Variants in GALNT13 observed in about 807,000 individuals in gnomAD.
The protein encoded by GALNT13 is UDP-GalNAc:polypeptide N-acetylgalactosaminyltransferase 13.
In GALNT13, 28 loss-of-function variants were observed where a neutral mutation model predicts 64.2. The ratio of observed to expected loss-of-function variants is 0.44; its 90% CI spans 0.32 to 0.60. The LOEUF (loss-of-function observed/expected upper bound fraction) is 0.60. Ranked by LOEUF, GALNT13 falls within the 20% of genes least tolerant of loss-of-function variation. The probability of loss-of-function intolerance (pLI) is 0.05; values close to 1 mark genes in which losing one functional copy is unlikely to be tolerated. For missense variants in GALNT13, 577 were observed against 669.8 expected (o/e 0.86, Z 1.53); for synonymous variants, 214 against 224.6 (o/e 0.95, Z 0.42).
chr2:154,242,014 CTT>C lies in GALNT13; in HGVS notation c.312-13_312-12del. ...AAATGCATTTATTAAGATCCCTCTTCTTTTCTCTTTTTCAGATGTAAGACAAA... is the reference window on the plus strand; with the variant it reads ...AAATGCATTTATTAAGATCCCTCTTCTTCTCTTTTTCAGATGTAAGACAAA... On this transcript the variant is annotated splice_polypyrimidine_tract_variant and intron_variant, in intron 4 of 12. Transcript: ENST00000392825. 1.3e-6 allele frequency: 2 copies of C among 1,533,370 alleles called. No individual in the cohort carries two copies. The highest frequency in any genetic ancestry group is 1.8e-6 in the Non-Finnish European group (2 of 1,130,146). 95.0% of individuals were successfully genotyped at this position (1,533,370 alleles called of 1,614,324 possible).
the GALNT13 span, among the ~76,000 whole-genome samples, chr2:153,259,511 T>G: frequency 6.6e-6 from 1 of 152,158 alleles, no homozygotes; most frequent in Non-Finnish European, 1.5e-5. Context: ...AAATAGTAGC[T>G]CCCATAATCC....
the GALNT13 span, among the ~76,000 whole-genome samples, chr2:153,147,119 C>G: frequency 6.6e-6 from 1 of 151,246 alleles, no homozygotes; most frequent in Admixed American, 6.6e-5. Context: ...CCAGCACGTG[C>G]AGCTAAATAG....
chr2:153,512,376 G>A, the GALNT13 span, among the ~76,000 whole-genome samples: 5 of 152,082 alleles, frequency 3.3e-5, no homozygotes, highest in Admixed American at 6.5e-5. Context: ...AACAATACCC[G>A]TGGAAGTAAA....
intron 3 of GALNT13, among the ~76,000 whole-genome samples, chr2:154,114,738 G>A (rs188368374): frequency 5.2e-4 from 79 of 152,268 alleles, no homozygotes; most frequent in African/African-American, 1.9e-3. Flanking sequence ...TTCTGCTTAT[G>A]TAAATTAAGG....
chr2:153,110,987 A>G, the GALNT13 span, among the ~76,000 whole-genome samples: 1 of 152,104 alleles, frequency 6.6e-6, no homozygotes, highest in African/African-American at 2.4e-5. Context: ...AATGCCCCCC[A>G]TAGAAGCTTA....
the GALNT13 span, among the ~76,000 whole-genome samples, chr2:153,165,870 A>G: frequency 1.3e-5 from 2 of 152,218 alleles, no homozygotes; most frequent in African/African-American, 4.8e-5. Context: ...CATTATTATC[A>G]TGACCAGTAC....
At chr2:153,889,914 A>G (rs909413208) in intron 1 of GALNT13, among the ~76,000 whole-genome samples, 5 of 151,934 alleles carry the variant, frequency 3.3e-5, no homozygotes, top group African/African-American at 9.6e-5. Flanking sequence ...GCTTTTTGCA[A>G]TTATAAAACC....
At chr2:153,812,718 T>C in the GALNT13 span, among the ~76,000 whole-genome samples, 1 of 152,182 alleles carries the variant, frequency 6.6e-6, no homozygotes, top group Non-Finnish European at 1.5e-5. Flanking sequence ...TTTGTTTATC[T>C]CAGGTGGAGG....
the GALNT13 span, among the ~76,000 whole-genome samples, chr2:153,758,117 T>G: frequency 6.6e-6 from 1 of 152,178 alleles, no homozygotes; most frequent in East Asian, 1.9e-4. Flanking sequence ...ACAGTTTCAC[T>G]TTTTACATCA....
chr2:153,417,525 T>C, the GALNT13 span, among the ~76,000 whole-genome samples: 4 of 152,160 alleles, frequency 2.6e-5, no homozygotes, highest in Non-Finnish European at 5.9e-5. Context: ...GCCTGGGGAA[T>C]GTGAGGAAAT....
At chr2:153,251,612 C>T in the GALNT13 span, among the ~76,000 whole-genome samples, 1 of 109,418 alleles carries the variant, frequency 9.1e-6, no homozygotes, top group South Asian at 3.9e-4. Context: ...CAATGCCATC[C>T]CTCCCCCCTC....
chr2:153,104,570 T>C, the GALNT13 span, among the ~76,000 whole-genome samples: 1 of 152,168 alleles, frequency 6.6e-6, no homozygotes, highest in Non-Finnish European at 1.5e-5. Flanking sequence ...TATTTTGGAG[T>C]TTGAGGCCCC....
At chr2:153,632,143 A>G in the GALNT13 span, among the ~76,000 whole-genome samples, 2 of 152,184 alleles carry the variant, frequency 1.3e-5, no homozygotes, top group African/African-American at 2.4e-5. Flanking sequence ...CCTGCTGTAA[A>G]AAGCTAAAGA....
chr2:154,050,429 T>C (rs897393622), intron 3 of GALNT13, among the ~76,000 whole-genome samples: 5 of 152,184 alleles, frequency 3.3e-5, no homozygotes, highest in Non-Finnish European at 4.4e-5. Flanking sequence ...CTTTTGTTGT[T>C]GAGAAAATGA....
At chr2:153,794,811 G>A in the GALNT13 span, among the ~76,000 whole-genome samples, 2 of 152,138 alleles carry the variant, frequency 1.3e-5, no homozygotes, top group Non-Finnish European at 2.9e-5. Context: ...GAGCCACCGT[G>A]CCCAGCCTGG....
At chr2:153,330,997 A>C in the GALNT13 span, among the ~76,000 whole-genome samples, 1 of 152,154 alleles carries the variant, frequency 6.6e-6, no homozygotes, top group Non-Finnish European at 1.5e-5. Context: ...GGAATATTCA[A>C]TTATATTGAA....
chr2:154,147,677 A>T (rs1035337715), intron 4 of GALNT13, among the ~76,000 whole-genome samples: 3 of 151,936 alleles, frequency 2.0e-5, no homozygotes, highest in African/African-American at 7.2e-5. Flanking sequence ...TTAATAATTC[A>T]TATATTCAAG....
At chr2:154,399,663 T>A (rs568363706) in intron 10 of GALNT13, among the ~76,000 whole-genome samples, 2 of 152,308 alleles carry the variant, frequency 1.3e-5, no homozygotes, top group East Asian at 3.9e-4. Flanking sequence ...GCTGCACCTC[T>A]TAATACCACT....
chr2:153,788,102 G>T, the GALNT13 span, among the ~76,000 whole-genome samples: 2 of 152,020 alleles, frequency 1.3e-5, no homozygotes, highest in Non-Finnish European at 2.9e-5. Context: ...TCTGGCTTGG[G>T]CCCATTCAAA....
Sources: gnomAD v4.1 joint callset for allele counts (sites outside exome capture counted in the v4.1 genomes callset) on GRCh38, gnomAD v4.1.1 for gene constraint, MANE v1.5 for transcripts, NCBI Gene and HGNC (gene_info 2026-07-23, HGNC 2026-07-21) for gene names.